Variants in DROSHA observed in about 807,000 individuals in gnomAD.
The protein encoded by DROSHA is drosha ribonuclease III, also known as ribonuclease 3.
A neutral mutation model predicts 181.9 loss-of-function variants in DROSHA; 56 were observed. The observed-to-expected ratio is 0.31, with a 90% CI of 0.25 to 0.38. DROSHA has a LOEUF of 0.38. Among genes scored for constraint, DROSHA ranks in the 10% least tolerant of loss-of-function variants. The pLI, the probability that DROSHA is intolerant of heterozygous loss-of-function variation, is 1.00. For missense variants in DROSHA, 1,218 were observed against 1,743.5 expected (o/e 0.70, Z 5.37); for synonymous variants, 524 against 591.2 (o/e 0.89, Z 1.65).
intron 27 of DROSHA, among the ~76,000 whole-genome samples, chr5:31,424,700 T>G (rs1469354950): frequency 2.0e-5 from 3 of 152,152 alleles, no homozygotes; most frequent in Non-Finnish European, 4.4e-5. Flanking sequence ...AAGAGCCTCC[T>G]CTAGTCCCAG....
At position 31,484,931 on chromosome 5, in the gene DROSHA, G is replaced by A. The variant is rs759529516; in HGVS notation, c.1946C>T (p.Ser649Leu). The change falls in exon 15 of 36, where the codon TCA becomes TTA. Residue 649 changes from serine (S) to leucine (L), a missense_variant. This residue lies in a region of DROSHA where 460 missense variants were observed against 774.2 expected (regional missense o/e 0.59). Transcript: ENST00000344624. The part of the protein sequence containing the change: ...NFCVKGLELF[S>L]LFLFRDILEL... ...CAAAATATCTCTGAATAGGAACAGT[G>A]AAAAGAGTTCAAGCCCTTTCACACA... 6 of 1,547,372 alleles carry A rather than the reference G, an allele frequency of 3.9e-6. No homozygotes were observed. In the South Asian group the frequency reaches 4.9e-5, roughly 13 times the overall value.
In DROSHA at chr5:31,424,776, C is replaced by A. The variant is rs541239434; in HGVS notation, c.3217-305G>T. On this transcript the variant is annotated intron_variant, in intron 27 of 35. Coordinates refer to ENST00000344624, the MANE Select transcript of DROSHA (RefSeq NM_001382508.1). ...ACTTAATACACTGCACTAAGCTGCT[C>A]TTTTAATCATATTTTTTTCTTACCA... 6.6e-5 allele frequency among the ~76,000 whole-genome samples: 10 copies of A among 152,284 alleles called. No individual in the cohort carries two copies. In the East Asian group the frequency reaches 1.9e-3, roughly 29 times the overall value.
intron 25 of DROSHA, among the ~76,000 whole-genome samples, chr5:31,433,281 T>C (rs1418142538): frequency 1.3e-5 from 2 of 152,214 alleles, no homozygotes; most frequent in Non-Finnish European, 2.9e-5. Context: ...CTACCGCAAA[T>C]GCAATAGCAG....
At chr5:31,495,462 C>A in intron 11 of DROSHA, 90 bp from the exon 12 acceptor site, 2 of 1,238,396 alleles carry the variant, frequency 1.6e-6, no homozygotes, top group Non-Finnish European at 2.3e-6. Flanking sequence ...TCACATCTAA[C>A]AAAACAGGTT....
chr5:31,437,925 T>C (rs1292448575), intron 23 of DROSHA, among the ~76,000 whole-genome samples: 4 of 152,124 alleles, frequency 2.6e-5, no homozygotes, highest in Admixed American at 6.5e-5. Flanking sequence ...TCGCATACAA[T>C]GAGCCACACT....
At chr5:31,465,165 G>A (rs1429930588) in intron 19 of DROSHA, among the ~76,000 whole-genome samples, 1 of 152,164 alleles carries the variant, frequency 6.6e-6, no homozygotes, top group Admixed American at 6.6e-5. Context: ...GACAAAGCCA[G>A]AATTCAAACA....
rs569988654 is a variant in DROSHA at position 31,439,238 on chromosome 5, A to T, written c.2883-1940T>A. On this transcript the variant is annotated intron_variant, in intron 23 of 35. Transcript: ENST00000344624. Reference sequence around the variant, plus strand: ...GGAAAATTTCAGAAATAAACAAGTCATAAGTTTTAAATTGCATGCTGTTCT... The same window carrying T: ...GGAAAATTTCAGAAATAAACAAGTCTTAAGTTTTAAATTGCATGCTGTTCT... 2.0e-5 allele frequency among the ~76,000 whole-genome samples: 3 copies of T among 152,346 alleles called. No individual in the cohort carries two copies. In the South Asian group the frequency reaches 6.2e-4, roughly 32 times the overall value.
intron 21 of DROSHA, among the ~76,000 whole-genome samples, 189 bp downstream of exon 21, chr5:31,451,344 T>C (rs1032442629): frequency 6.6e-6 from 1 of 152,200 alleles, no homozygotes; most frequent in African/African-American, 2.4e-5. Context: ...TTAGGGACGG[T>C]CTCACATAAA....
chr5:31,423,055 T>G (rs745439095), intron 28 of DROSHA, 111 bp from the exon 29 acceptor site: 1 of 1,058,618 alleles, frequency 9.4e-7, no homozygotes, highest in Non-Finnish European at 1.3e-6. Context: ...GAGCAGAAAT[T>G]TCTGAAATGC....
chr5:31,446,315 C>T (rs370472945), intron 23 of DROSHA, among the ~76,000 whole-genome samples: 318 of 151,738 alleles, frequency 2.1e-3, no homozygotes, highest in East Asian at 4.1e-3. Context: ...GGTGTGGTGG[C>T]GGGCGCCTGT....
chr5:31,413,830 A>T (rs1174318647), intron 30 of DROSHA, among the ~76,000 whole-genome samples: 3 of 152,200 alleles, frequency 2.0e-5, no homozygotes, highest in Non-Finnish European at 2.9e-5. Context: ...CCTGGCTGTA[A>T]CACCAGAATC....
Position 31,466,149 on chromosome 5 carries a change from G to A in DROSHA, c.2466+33C>T, listed in dbSNP as rs771555974. 69 of 1,594,494 alleles carry A rather than the reference G, an allele frequency of 4.3e-5. No individual in the cohort carries two copies. In the South Asian group the frequency reaches 5.0e-4, roughly 11 times the overall value. On this transcript the variant is annotated intron_variant, in intron 19 of 35. Coordinates refer to ENST00000344624, the MANE Select transcript of DROSHA (RefSeq NM_001382508.1). Reference sequence around the variant, plus strand: ...CGAAATAAACCTGAAGCACATCATCGTTAATCACCAAGGAATGGAGTTTGA... The same window carrying A: ...CGAAATAAACCTGAAGCACATCATCATTAATCACCAAGGAATGGAGTTTGA...
chr5:31,472,550 T>C (rs1749853457), intron 16 of DROSHA, among the ~76,000 whole-genome samples: 2 of 152,230 alleles, frequency 1.3e-5, no homozygotes, highest in African/African-American at 2.4e-5. Flanking sequence ...CTAGCATAAA[T>C]AACCATAGTT....
chr5:31,486,201 CA>C (rs749248606), intron 14 of DROSHA, among the ~76,000 whole-genome samples: 14 of 152,046 alleles, frequency 9.2e-5, no homozygotes, highest in Non-Finnish European at 1.6e-4. Context: ...GGCCAGTAAC[CA>C]AAATCTGTCC....
In DROSHA at chr5:31,476,364, CAAAG is replaced by C. The variant is rs147996977; in HGVS notation, c.2072-4136_2072-4133del. On this transcript the variant is annotated intron_variant, in intron 16 of 35. Transcript: ENST00000344624. ...TGAGTGACAGGGTGAGACTCTCTAT[CAAAG>C]AAAGAAAGAAAGAAGATCACAAGGT... 6.8e-4 allele frequency among the ~76,000 whole-genome samples: 103 copies of C among 151,866 alleles called. 3 individuals carry two copies. In the East Asian group the frequency reaches 0.018, roughly 26 times the overall value.
At chr5:31,508,549 C>G in intron 10 of DROSHA, 72 bp downstream of exon 10, 1 of 1,598,576 alleles carries the variant, frequency 6.3e-7, no homozygotes, top group Non-Finnish European at 8.5e-7. Flanking sequence ...CAACATGTAT[C>G]TTCTGAGCCC....
chr5:31,447,815 ACTAGAATAGAAGGG>A (rs1049268548), intron 23 of DROSHA, among the ~76,000 whole-genome samples: 6 of 152,290 alleles, frequency 3.9e-5, no homozygotes, highest in African/African-American at 1.4e-4. Flanking sequence ...CTTCATATTC[ACTAGAATAGAAGGG>A]CTAGAATAAA....
chr5:31,457,192 C>T (rs1340503784), intron 20 of DROSHA, among the ~76,000 whole-genome samples: 1 of 130,188 alleles, frequency 7.7e-6, no homozygotes, highest in African/African-American at 2.9e-5. Flanking sequence ...GGCGTGATCT[C>T]GGCTCATTGC....
At chr5:31,435,136 A>T (rs1274269292) in intron 25 of DROSHA, among the ~76,000 whole-genome samples, 1 of 152,218 alleles carries the variant, frequency 6.6e-6, no homozygotes, top group East Asian at 1.9e-4. Context: ...GTGGACTGGA[A>T]TGTTCTTATC....
Sources: gnomAD v4.1 joint callset for allele counts (sites outside exome capture counted in the v4.1 genomes callset) on GRCh38, gnomAD v4.1.1 for gene constraint, gnomAD v4.1.1 regional missense constraint, MANE v1.5 for transcripts, NCBI Gene and HGNC (gene_info 2026-07-23, HGNC 2026-07-21) for gene names.